Variants in TACR3 observed in about 807,000 individuals in gnomAD.
The protein encoded by TACR3 is neuromedin-K receptor.
Under a neutral mutation model 35.0 loss-of-function variants are expected in TACR3, and 34 were observed. That is an observed-to-expected ratio of 0.97 (90% CI 0.74 to 1.30). TACR3 has a LOEUF of 1.30. Among genes scored for constraint, TACR3 ranks in the 50% most tolerant of loss-of-function variants. The probability of loss-of-function intolerance (pLI) is 0.00; values close to 1 mark genes in which losing one functional copy is unlikely to be tolerated. For missense variants in TACR3, 558 were observed against 591.7 expected, an observed-to-expected ratio of 0.94 and a Z score of 0.59; for synonymous variants, 233 against 221.1, an observed-to-expected ratio of 1.05 and a Z score of -0.48.
chr4:103,641,277 T>A (rs1050994075), intron 3 of TACR3, among the ~76,000 whole-genome samples: 6 of 151,926 alleles, frequency 3.9e-5, no homozygotes, highest in African/African-American at 1.2e-4. Flanking sequence ...TTTAAAAAAA[T>A]TCCAGTACCA....
rs903447844 is a variant in TACR3 at position 103,586,056 on chromosome 4, G to A, written c.*3626C>T. On this transcript the variant is annotated 3_prime_UTR_variant, in exon 5 of 5. Coordinates refer to ENST00000304883, the MANE Select transcript of TACR3 (RefSeq NM_001059.3). ...TTTTACTTTTAATATTAGTTTTAAT[G>A]TTTTTAAAGAAAAAATAGAAATTAA... 13 of 151,970 alleles carry A rather than the reference G, an allele frequency of 8.6e-5. No individual in the cohort carries two copies. Among genetic ancestry groups the A allele is most frequent in the Non-Finnish European group, 1.9e-4 (13 of 67,974 alleles). The allele number at this position is 151,970 out of a possible 1,614,324, so 9.4% of individuals were successfully genotyped here. A position where few individuals can be genotyped will look rare whatever the true frequency, so the allele number is the denominator to read the frequency against.
At chr4:103,644,652 A>G (rs545506895) in intron 3 of TACR3, among the ~76,000 whole-genome samples, 14 of 151,652 alleles carry the variant, frequency 9.2e-5, no homozygotes, top group African/African-American at 1.7e-4. Context: ...AAATTTAAAA[A>G]TTTTTTTCTA....
chr4:103,718,818 G>A (rs532625424), intron 1 of TACR3, among the ~76,000 whole-genome samples: 6 of 152,136 alleles, frequency 3.9e-5, no homozygotes, highest in African/African-American at 1.4e-4. Flanking sequence ...GTACTTAAAC[G>A]TTTCTAGCTA....
At chr4:103,614,176 C>A (rs976862434) in intron 3 of TACR3, among the ~76,000 whole-genome samples, 1 of 152,114 alleles carries the variant, frequency 6.6e-6, no homozygotes, top group Non-Finnish European at 1.5e-5. Flanking sequence ...TCTAGACTTT[C>A]CCTTTGAGTT....
intron 3 of TACR3, among the ~76,000 whole-genome samples, chr4:103,655,492 G>GA (rs980745460): frequency 6.6e-6 from 1 of 151,868 alleles, no homozygotes; most frequent in Admixed American, 6.6e-5. Flanking sequence ...ACAAATTTAT[G>GA]AAAAAAATCT....
At chr4:103,630,240 A>G (rs1395908428) in intron 3 of TACR3, among the ~76,000 whole-genome samples, 1 of 152,228 alleles carries the variant, frequency 6.6e-6, no homozygotes, top group Non-Finnish European at 1.5e-5. Flanking sequence ...AAACCCTAGA[A>G]TAAAACCTAG....
At chr4:103,656,395 T>C (rs771265959) in intron 2 of TACR3, 51 bp from the exon 3 acceptor site, 5 of 1,573,936 alleles carry the variant, frequency 3.2e-6, no homozygotes, top group South Asian at 1.1e-5. Flanking sequence ...GAATGAAATA[T>C]TGGGGACTGA....
chr4:103,604,237 A>G (rs1291403582), intron 3 of TACR3, among the ~76,000 whole-genome samples: 1 of 152,166 alleles, frequency 6.6e-6, no homozygotes, highest in Non-Finnish European at 1.5e-5. Flanking sequence ...ATAACACCAC[A>G]CATCTACAAC....
intron 3 of TACR3, among the ~76,000 whole-genome samples, chr4:103,596,620 A>G (rs954499833): frequency 2.6e-5 from 4 of 152,072 alleles, no homozygotes; most frequent in African/African-American, 9.7e-5. Flanking sequence ...TATTATTATT[A>G]TACTTTAAGT....
intron 3 of TACR3, among the ~76,000 whole-genome samples, chr4:103,622,741 A>AC (rs1310099444): frequency 2.0e-5 from 3 of 151,924 alleles, no homozygotes; most frequent in Non-Finnish European, 2.9e-5. Flanking sequence ...TGAACCTCCA[A>AC]CCCCCACATA....
intron 1 of TACR3, among the ~76,000 whole-genome samples, chr4:103,669,461 C>T (rs561154521): frequency 7.9e-5 from 12 of 152,094 alleles, no homozygotes; most frequent in African/African-American, 2.9e-4. Flanking sequence ...TACATTCCAG[C>T]AGTTCATGAG....
chr4:103,654,586 A>G (rs1578244898), intron 3 of TACR3, among the ~76,000 whole-genome samples: 2 of 149,174 alleles, frequency 1.3e-5, no homozygotes, highest in East Asian at 4.0e-4. Flanking sequence ...TAGGAGATAT[A>G]CCTAATGCTA....
intron 1 of TACR3, among the ~76,000 whole-genome samples, chr4:103,706,413 A>G (rs937155834): frequency 3.9e-5 from 6 of 152,232 alleles, no homozygotes; most frequent in African/African-American, 1.4e-4. Context: ...TCCTGATGCT[A>G]AAGTATATCT....
intron 4 of TACR3, chr4:103,591,184 G>T: frequency 2.4e-6 from 1 of 423,784 alleles, no homozygotes; most frequent in Admixed American, 3.9e-5. Context: ...TTAATCATGA[G>T]GGCACTTCTT....
At chr4:103,595,088 G>A (rs1343344573) in intron 3 of TACR3, among the ~76,000 whole-genome samples, 1 of 152,102 alleles carries the variant, frequency 6.6e-6, no homozygotes, top group Non-Finnish European at 1.5e-5. Flanking sequence ...CTGATAAAAT[G>A]CCAAAGAAAA....
At chr4:103,600,807 G>A (rs1411333706) in intron 3 of TACR3, among the ~76,000 whole-genome samples, 1 of 152,142 alleles carries the variant, frequency 6.6e-6, no homozygotes. Flanking sequence ...TAGTTTGATT[G>A]CACTGTGGTC....
At chr4:103,636,647 G>A (rs1725198710) in intron 3 of TACR3, among the ~76,000 whole-genome samples, 1 of 152,148 alleles carries the variant, frequency 6.6e-6, no homozygotes, top group East Asian at 1.9e-4. Flanking sequence ...ATGAATCCAG[G>A]AGCTGGTTTT....
At chr4:103,695,711 C>CTGTG (rs10603685) in intron 1 of TACR3, among the ~76,000 whole-genome samples, 1,638 of 146,188 alleles carry the variant, frequency 0.011, 12 homozygotes, top group African/African-American at 0.02. Context: ...GTCTCTCTCT[C>CTGTG]TGTGTGTGTG....
At chr4:103,705,622 C>T (rs1238379120) in intron 1 of TACR3, among the ~76,000 whole-genome samples, 1 of 152,006 alleles carries the variant, frequency 6.6e-6, no homozygotes, top group Non-Finnish European at 1.5e-5. Context: ...TATAAGGAAA[C>T]AGCTAATTTA....
Sources: gnomAD v4.1 joint callset for allele counts (sites outside exome capture counted in the v4.1 genomes callset) on GRCh38, gnomAD v4.1.1 for gene constraint, MANE v1.5 for transcripts, NCBI Gene and HGNC (gene_info 2026-07-23, HGNC 2026-07-21) for gene names.